The following TANC2 variants were observed in gnomAD, a reference collection of about 807,000 sequenced individuals.
The protein encoded by TANC2 is tetratricopeptide repeat, ankyrin repeat and coiled-coil containing 2.
Under a neutral mutation model 210.5 loss-of-function variants are expected in TANC2, and 26 were observed. That is an observed-to-expected ratio of 0.12 (90% CI 0.09 to 0.17). The LOEUF is 0.17. Among genes scored for constraint, TANC2 ranks in the 10% least tolerant of loss-of-function variants. TANC2 has a pLI of 1.00. For missense variants in TANC2, 2,129 were observed against 2,608.9 expected (o/e 0.82, Z 4.01); for synonymous variants, 931 against 967.1 (o/e 0.96, Z 0.69).
At chr17:63,258,310 A>T (rs2146208432) in intron 8 of TANC2, among the ~76,000 whole-genome samples, 1 of 152,214 alleles carries the variant, frequency 6.6e-6, no homozygotes, top group Non-Finnish European at 1.5e-5. Context: ...GGGAAAAAGT[A>T]CCTTGAGATA....
intron 5 of TANC2, among the ~76,000 whole-genome samples, chr17:63,169,869 C>T (rs556674999): frequency 3.3e-5 from 5 of 152,046 alleles, no homozygotes; most frequent in African/African-American, 7.2e-5. Flanking sequence ...CGGAGGCTCA[C>T]GCCTGTAATC....
chr17:63,198,867 C>T (rs1214460815), intron 6 of TANC2, among the ~76,000 whole-genome samples: 2 of 151,936 alleles, frequency 1.3e-5, no homozygotes, highest in African/African-American at 4.8e-5. Flanking sequence ...CTCCTCTTCT[C>T]TGGAGAGATA....
chr17:62,984,082 A>T (rs2032444700), intron 1 of TANC2, among the ~76,000 whole-genome samples: 1 of 152,134 alleles, frequency 6.6e-6, no homozygotes, highest in South Asian at 2.1e-4. Flanking sequence ...TTCAGCAGTG[A>T]TACCATCTGG....
At chr17:63,422,079 C>G in exon 28 of TANC2, 1 of 1,259,730 alleles carries the variant, frequency 7.9e-7, no homozygotes, top group Non-Finnish European at 1.1e-6. Flanking sequence ...TCAGAGGTGG[C>G]AGCCCACATG....
At chr17:63,413,008 A>T (rs1000961143) in intron 24 of TANC2, among the ~76,000 whole-genome samples, 4 of 152,186 alleles carry the variant, frequency 2.6e-5, no homozygotes, top group Non-Finnish European at 5.9e-5. Context: ...CATCTGATTG[A>T]CATTCGAACT....
At chr17:63,144,158 T>C (rs1223258938) in intron 4 of TANC2, among the ~76,000 whole-genome samples, 1 of 152,182 alleles carries the variant, frequency 6.6e-6, no homozygotes, top group Non-Finnish European at 1.5e-5. Context: ...ACTAGGTAGA[T>C]TTCAATATTT....
chr17:63,408,770 G>C (rs1469651271), intron 21 of TANC2, among the ~76,000 whole-genome samples: 2 of 152,222 alleles, frequency 1.3e-5, no homozygotes, highest in Non-Finnish European at 2.9e-5. Context: ...GCTGTGGCAG[G>C]TGCTAAGCTT....
At chr17:63,097,870 T>C (rs1390747833) in intron 3 of TANC2, among the ~76,000 whole-genome samples, 1 of 152,206 alleles carries the variant, frequency 6.6e-6, no homozygotes, top group Non-Finnish European at 1.5e-5. Context: ...TTCCATTCTT[T>C]GACTCTCCAT....
intron 12 of TANC2, among the ~76,000 whole-genome samples, chr17:63,350,231 C>T (rs748830959): frequency 1.9e-4 from 29 of 152,270 alleles, no homozygotes; most frequent in East Asian, 1.7e-3. Context: ...CTTCTGTCCT[C>T]GGCTTCTTCT....
chr17:62,985,340 A>G (rs1401194844), intron 1 of TANC2, among the ~76,000 whole-genome samples: 1 of 152,028 alleles, frequency 6.6e-6, no homozygotes, highest in Non-Finnish European at 1.5e-5. Flanking sequence ...TTTGACTGTA[A>G]TGTGCCTCAG....
intron 6 of TANC2, 136 bp from the exon 7 acceptor site, chr17:63,200,635 C>CA: frequency 1.4e-6 from 1 of 735,934 alleles, no homozygotes; most frequent in Non-Finnish European, 2.1e-6. Context: ...TCCGAGAAAG[C>CA]AAAAACAAAT....
At chr17:63,187,329 A>G (rs1305390305) in intron 5 of TANC2, among the ~76,000 whole-genome samples, 2 of 152,218 alleles carry the variant, frequency 1.3e-5, no homozygotes, top group East Asian at 1.9e-4. Context: ...TTTGTAAAGT[A>G]TGGATAATAT....
At chr17:63,310,729 C>T (rs1300909274) in intron 9 of TANC2, among the ~76,000 whole-genome samples, 2 of 152,122 alleles carry the variant, frequency 1.3e-5, no homozygotes, top group South Asian at 4.1e-4. Flanking sequence ...TCAAAATATA[C>T]ATTAAACACA....
At chr17:63,151,672 TA>T (rs1439944955) in intron 5 of TANC2, 3 of 152,212 alleles carry the variant, frequency 2.0e-5, no homozygotes, top group Admixed American at 2.0e-4. Flanking sequence ...TGATTTGAGA[TA>T]CTTAAAGAAA....
At chr17:63,282,339 TAAAG>T (rs957189363) in intron 9 of TANC2, among the ~76,000 whole-genome samples, 1 of 151,974 alleles carries the variant, frequency 6.6e-6, no homozygotes, top group African/African-American at 2.4e-5. Flanking sequence ...TAAGAAAATA[TAAAG>T]AGATATTATA....
chr17:63,171,492 A>G (rs1455638220), intron 5 of TANC2, among the ~76,000 whole-genome samples: 3 of 152,194 alleles, frequency 2.0e-5, no homozygotes, highest in South Asian at 2.1e-4. Flanking sequence ...GAGTAGGTGA[A>G]GCTGATGTTT....
intron 5 of TANC2, among the ~76,000 whole-genome samples, chr17:63,173,386 C>T (rs1024821359): frequency 2.6e-5 from 4 of 152,172 alleles, no homozygotes; most frequent in African/African-American, 9.7e-5. Context: ...ATAACAGTAA[C>T]CCTTGTAACA....
chr17:63,388,863 T>C (rs2047870608), intron 16 of TANC2, 106 bp downstream of exon 16: 1 of 806,318 alleles, frequency 1.2e-6, no homozygotes, highest in Admixed American at 3.6e-5. Flanking sequence ...TTGTCTTTCT[T>C]ATTAGCCTTT....
chr17:63,320,812 C>A (rs2045470869), intron 11 of TANC2, among the ~76,000 whole-genome samples: 1 of 152,164 alleles, frequency 6.6e-6, no homozygotes. Context: ...TGGAAATATT[C>A]TTTAATTCTG....
Sources: gnomAD v4.1 joint callset for allele counts (sites outside exome capture counted in the v4.1 genomes callset) on GRCh38, gnomAD v4.1.1 for gene constraint, MANE v1.5 for transcripts, NCBI Gene and HGNC (gene_info 2026-07-23, HGNC 2026-07-21) for gene names.